TCEA1: variants seen among roughly 807,000 people sequenced by gnomAD.
The protein encoded by TCEA1 is transcription elongation factor A protein 1.
TCEA1 carries 21 observed loss-of-function variants against 43.8 expected under a neutral mutation model. The observed-to-expected ratio is 0.48, with a 90% CI of 0.34 to 0.69. The LOEUF is 0.69. Ranked by LOEUF, TCEA1 falls within the 30% of genes least tolerant of loss-of-function variation. The probability of loss-of-function intolerance (pLI) is 0.01; values close to 1 mark genes in which losing one functional copy is unlikely to be tolerated. For synonymous variants in TCEA1, 104 were observed against 117.5 expected (o/e 0.88, Z 0.75); for missense variants, 250 against 365.1 (o/e 0.68, Z 2.57).
At chr8:54,016,236 G>A (rs988547236) in intron 1 of TCEA1, among the ~76,000 whole-genome samples, 3 of 152,194 alleles carry the variant, frequency 2.0e-5, no homozygotes, top group South Asian at 2.1e-4. Context: ...CGGCACTTTA[G>A]GAGGCCGAGG....
intron 8 of TCEA1, 69 bp downstream of exon 8, chr8:53,978,956 C>T: frequency 6.7e-7 from 1 of 1,481,996 alleles, no homozygotes; most frequent in Non-Finnish European, 9.1e-7. Flanking sequence ...ATTATCTTTG[C>T]TATTTATTTT....
At chr8:53,969,506 A>G (rs1803094418) in intron 9 of TCEA1, among the ~76,000 whole-genome samples, 1 of 152,142 alleles carries the variant, frequency 6.6e-6, no homozygotes, top group Non-Finnish European at 1.5e-5. Context: ...TGAAAAAAAA[A>G]AGAATCTTGT....
chr8:53,980,065 AGC>A (rs1269991919), intron 7 of TCEA1, among the ~76,000 whole-genome samples: 1 of 152,204 alleles, frequency 6.6e-6, no homozygotes, highest in Non-Finnish European at 1.5e-5. Flanking sequence ...TAACCGCAAT[AGC>A]GCAGTCTCAG....
At chr8:54,020,656 T>G (rs1804993391) in intron 1 of TCEA1, among the ~76,000 whole-genome samples, 1 of 152,200 alleles carries the variant, frequency 6.6e-6, no homozygotes, top group African/African-American at 2.4e-5. Context: ...TCTCAGTGTC[T>G]TAATCTGTAA....
At chr8:53,978,907 T>C (rs1339460881) in intron 8 of TCEA1, 118 bp downstream of exon 8, 2 of 1,243,804 alleles carry the variant, frequency 1.6e-6, no homozygotes, top group Admixed American at 2.6e-5. Context: ...TCTTAGAACA[T>C]ATCCCTCCAT....
At chr8:53,977,250 G>A (rs922064149) in intron 8 of TCEA1, among the ~76,000 whole-genome samples, 6 of 152,196 alleles carry the variant, frequency 3.9e-5, no homozygotes, top group Non-Finnish European at 5.9e-5. Context: ...AACCCGGGAG[G>A]CGGAGTTTGC....
At chr8:54,002,848 A>G (rs750627333) in intron 2 of TCEA1, 1 of 454,350 alleles carries the variant, frequency 2.2e-6, no homozygotes, top group Non-Finnish European at 4.4e-6. Context: ...GCCTTTGCCT[A>G]TGATTTCTAT....
chr8:53,988,303 CT>C, intron 4 of TCEA1, 44 bp from the exon 5 acceptor site: 8 of 1,588,962 alleles, frequency 5.0e-6, no homozygotes, highest in Non-Finnish European at 6.9e-6. Context: ...AAGAACAATC[CT>C]TTCAAAGTAA....
At position 54,021,988 on chromosome 8, in the gene TCEA1, G is replaced by C. The variant is rs1454090059; in HGVS notation, c.63+75C>G. 16 of 1,356,314 alleles carry C rather than the reference G, an allele frequency of 1.2e-5. No individual in the cohort carries two copies. In the East Asian group the frequency reaches 3.7e-4, roughly 31 times the overall value. The allele number at this position is 1,356,314 out of a possible 1,614,324, so 84.0% of individuals were successfully genotyped here. On this transcript the variant is annotated intron_variant, in intron 1 of 9. Transcript: ENST00000521604. The stretch of plus-strand genomic sequence containing the variant: ...GCTGCAGGGGGAGGGGAGGGAGAAG[G>C]AGGGAGGGGGCGGCCCCCTCGGGCC...
chr8:53,975,626 T>C (rs903707417), intron 8 of TCEA1, among the ~76,000 whole-genome samples: 1 of 152,166 alleles, frequency 6.6e-6, no homozygotes, highest in African/African-American at 2.4e-5. Flanking sequence ...CTAAGTGAAA[T>C]AGGCCAGTCA....
At chr8:54,002,563 T>C (rs1482652994) in intron 2 of TCEA1, among the ~76,000 whole-genome samples, 3 of 139,846 alleles carry the variant, frequency 2.1e-5, no homozygotes, top group Non-Finnish European at 3.0e-5. Context: ...GGGGGTACCA[T>C]GGAAAAAATG....
At chr8:54,020,608 C>T (rs1804990742) in intron 1 of TCEA1, among the ~76,000 whole-genome samples, 1 of 152,186 alleles carries the variant, frequency 6.6e-6, no homozygotes, top group Admixed American at 6.5e-5. Context: ...TTATTCCAAA[C>T]TACACAGTAC....
At chr8:53,970,850 C>T (rs1466360743) in intron 8 of TCEA1, among the ~76,000 whole-genome samples, 2 of 152,166 alleles carry the variant, frequency 1.3e-5, no homozygotes, top group African/African-American at 4.8e-5. Flanking sequence ...TGTCAATATT[C>T]TCTTACAAAT....
chr8:53,989,160 T>A (rs534103944), intron 4 of TCEA1, among the ~76,000 whole-genome samples: 1 of 152,022 alleles, frequency 6.6e-6, no homozygotes, highest in East Asian at 1.9e-4. Flanking sequence ...TACTGATGAG[T>A]CATGAGGCTA....
At position 53,991,701 on chromosome 8, in the gene TCEA1, T is replaced by A. The variant is rs1279607120; in HGVS notation, c.320+1967A>T. 6.6e-5 allele frequency among the ~76,000 whole-genome samples: 10 copies of A among 150,888 alleles called. No homozygotes were observed. In the East Asian group the frequency reaches 1.2e-3, roughly 18 times the overall value. On this transcript the variant is annotated intron_variant, in intron 4 of 9. Transcript: ENST00000521604. Reference sequence around the variant, plus strand: ...AAGAGTGAAACTCTGTCTCAAAAAATAATAATAATAATAATAAAATAATAA... The same window carrying A: ...AAGAGTGAAACTCTGTCTCAAAAAAAAATAATAATAATAATAAAATAATAA...
intron 6 of TCEA1, among the ~76,000 whole-genome samples, chr8:53,986,561 T>C (rs1563479968): frequency 6.6e-6 from 1 of 152,256 alleles, no homozygotes; most frequent in South Asian, 2.1e-4. Flanking sequence ...AATTATGTTA[T>C]CGGTTTGCCT....
chr8:54,001,567 G>A (rs1040350529), intron 2 of TCEA1, among the ~76,000 whole-genome samples: 4 of 152,236 alleles, frequency 2.6e-5, no homozygotes, highest in South Asian at 4.1e-4. Flanking sequence ...TCCACTTTTT[G>A]AATGTGTAGA....
At chr8:54,018,218 T>A (rs1804901287) in intron 1 of TCEA1, among the ~76,000 whole-genome samples, 1 of 152,132 alleles carries the variant, frequency 6.6e-6, no homozygotes, top group South Asian at 2.1e-4. Flanking sequence ...ACATCTAATT[T>A]CAATTTCTCT....
intron 7 of TCEA1, among the ~76,000 whole-genome samples, chr8:53,982,290 G>A (rs1417034306): frequency 3.3e-5 from 5 of 152,074 alleles, no homozygotes; most frequent in Admixed American, 2.6e-4. Flanking sequence ...ATGACTTTGA[G>A]GGGTTTGACT....
Sources: allele counts gnomAD v4.1 joint callset (sites outside exome capture counted in the v4.1 genomes callset), GRCh38; gene constraint gnomAD v4.1.1; transcripts MANE v1.5; gene names NCBI Gene and HGNC (gene_info 2026-07-23, HGNC 2026-07-21).